SPEF2: variants seen among roughly 807,000 people sequenced by gnomAD.
The protein encoded by SPEF2 is sperm flagellar and cilia associated 2.
A neutral mutation model predicts 224.6 loss-of-function variants in SPEF2; 187 were observed. The observed-to-expected ratio is 0.83, with a 90% CI of 0.74 to 0.94. The LOEUF (loss-of-function observed/expected upper bound fraction) is 0.94. Ranked by LOEUF, SPEF2 falls within the 40% of genes least tolerant of loss-of-function variation. The pLI is 0.00. For missense variants in SPEF2, 2,170 were observed against 2,135.6 expected, an observed-to-expected ratio of 1.02 and a Z score of -0.32; for synonymous variants, 715 against 707.3, an observed-to-expected ratio of 1.01 and a Z score of -0.17.
In SPEF2 at chr5:35,654,725, A is replaced by C. The variant is rs1251154024; in HGVS notation, c.977A>C (p.Glu326Ala). ...MDQLIAHEAQ[E>A]EAYREEQLIN... Reference sequence around the variant, plus strand: ...CAGTTAATAGCCCACGAAGCACAAGAGGTAAGATATTTAGATGAAGGTTAA... The same window carrying C: ...CAGTTAATAGCCCACGAAGCACAAGCGGTAAGATATTTAGATGAAGGTTAA... The change falls in exon 7 of 37, where the codon GAG becomes GCG. Residue 326 changes from glutamate (E) to alanine (A), a missense_variant and splice_region_variant. By Grantham distance (107) the Glu-to-Ala change is moderately radical (BLOSUM62 -1). Transcript: ENST00000356031. 6.2e-7 allele frequency: 1 copy of C among 1,602,406 alleles called. No individual in the cohort carries two copies. The highest frequency in any genetic ancestry group is 1.1e-5 in the South Asian group (1 of 88,522).
intron 20 of SPEF2, among the ~76,000 whole-genome samples, chr5:35,722,475 T>TC (rs1743878387): frequency 9.3e-5 from 14 of 150,810 alleles, no homozygotes; most frequent in Non-Finnish European, 8.9e-5. Flanking sequence ...GTTTTTTTTT[T>TC]CAAGGTTTTT....
chr5:35,637,164 A>G (rs997824922), intron 2 of SPEF2, among the ~76,000 whole-genome samples: 8 of 152,076 alleles, frequency 5.3e-5, no homozygotes, highest in Non-Finnish European at 8.8e-5. Flanking sequence ...AGGTATGGAC[A>G]TGGAGCAAAC....
intron 28 of SPEF2, among the ~76,000 whole-genome samples, chr5:35,774,256 G>A (rs772189386): frequency 1.4e-4 from 21 of 152,096 alleles, no homozygotes; most frequent in Non-Finnish European, 2.9e-4. Context: ...CTGATGACAC[G>A]ATCTCAAAAA....
At chr5:35,751,044 TATATATATATAC>T (rs1749441706) in intron 23 of SPEF2, among the ~76,000 whole-genome samples, 1 of 66,368 alleles carries the variant, frequency 1.5e-5, no homozygotes, top group Non-Finnish European at 3.0e-5. Context: ...TACACATATG[TATATATATATAC>T]GTATATATAT....
In SPEF2 at chr5:35,806,809, C is replaced by G; in HGVS notation, c.5113C>G (p.Gln1705Glu). Residue 1705 changes from glutamine to glutamate, a missense_variant, in exon 35 of 37, where the codon CAG becomes GAG. Coordinates refer to ENST00000356031, the MANE Select transcript of SPEF2 (RefSeq NM_024867.4). ...AAAAGACGACACGGAGAAAAGGGAA[C>G]AGAAGGATGAAGAAATCCCTGAAAA... ...KLKDDTEKRE[Q>E]KDEEIPENAN... The G allele has an allele frequency of 6.2e-7, 1 of 1,613,864 alleles. No homozygotes were observed. The highest frequency in any genetic ancestry group is 1.3e-5 in the African/African-American group (1 of 74,994).
rs756934104 is a variant in SPEF2, at chr5:35,670,067, C to A, written c.1364C>A (p.Pro455Gln). 2.5e-6 allele frequency: 4 copies of A among 1,598,088 alleles called. No homozygotes were observed. Among genetic ancestry groups the A allele is most frequent in the Non-Finnish European group, 2.6e-6 (3 of 1,174,052 alleles). ...DYRMLTNNLI[P>Q]YKLMHDWKEL... ...TTTTTTTTGTGCGATAGTCTGATTC[C>A]GTATAAGTTGATGCATGATTGGAAG... The change falls in exon 10 of 37, where the codon CCG becomes CAG. Residue 455 changes from proline (P) to glutamine (Q), a missense_variant. By Grantham distance (76) the Pro-to-Gln change is moderately conservative. Coordinates refer to ENST00000356031, the MANE Select transcript of SPEF2 (RefSeq NM_024867.4).
rs181002978 is a variant in SPEF2 at position 35,719,019 on chromosome 5, A to G, written c.2914+6133A>G. Among the ~76,000 whole-genome samples the G allele has an allele frequency of 2.3e-3, 348 of 152,364 alleles. 1 individual carries two copies. The highest frequency in any genetic ancestry group is 8.1e-3 in the African/African-American group (336 of 41,590). ...GTTATGCTTACTAAGATTTGGGTGC[A>G]TGATGCTTGGCTTTGGTTAGCTGCC... On this transcript the variant is annotated intron_variant, in intron 20 of 36. Coordinates refer to ENST00000356031, the MANE Select transcript of SPEF2 (RefSeq NM_024867.4).
chr5:35,681,463 A>T (rs1312685647), intron 10 of SPEF2, among the ~76,000 whole-genome samples: 1 of 152,210 alleles, frequency 6.6e-6, no homozygotes, highest in African/African-American at 2.4e-5. Context: ...TATCTAAAAA[A>T]TAAACCCAAG....
At position 35,793,207 on chromosome 5, in the gene SPEF2, T is replaced by G. The variant is rs376841090; in HGVS notation, c.4603T>G (p.Trp1535Gly). ...LLTVNSEFVDWRKFLLVTSMP... is the reference protein window; with the variant it reads ...LLTVNSEFVDGRKFLLVTSMP... ...AACAGTCAACTCCGAGTTCGTGGAC[T>G]GGCGGAAGTTCCTGTTAGTAACCTC... The change falls in exon 32 of 37, where the codon TGG becomes GGG. Residue 1535 changes from tryptophan to glycine, a missense_variant. Transcript: ENST00000356031. 1.7e-5 allele frequency: 27 copies of G among 1,614,078 alleles called. No homozygotes were observed. The African/African-American group carries it at 3.2e-4, about 19-fold the overall frequency.
intron 22 of SPEF2, 31 bp from the exon 23 acceptor site, chr5:35,740,098 A>G (rs747343034): frequency 6.2e-7 from 1 of 1,614,050 alleles, no homozygotes; most frequent in Non-Finnish European, 8.5e-7. Context: ...CATGACATAT[A>G]AAATTTATCT....
chr5:35,749,453 C>A (rs1332985169), intron 23 of SPEF2, among the ~76,000 whole-genome samples: 2 of 151,928 alleles, frequency 1.3e-5, no homozygotes, highest in Admixed American at 6.6e-5. Context: ...CCTTGAAAAC[C>A]CTAAAGACTC....
intron 27 of SPEF2, among the ~76,000 whole-genome samples, chr5:35,772,269 A>AC (rs1376654564): frequency 3.3e-5 from 5 of 152,066 alleles, no homozygotes; most frequent in African/African-American, 1.2e-4. Flanking sequence ...CATCAACATT[A>AC]CCCTCCCCCT....
chr5:35,737,146 T>A (rs1746751605), intron 21 of SPEF2, among the ~76,000 whole-genome samples: 1 of 152,360 alleles, frequency 6.6e-6, no homozygotes, highest in African/African-American at 2.4e-5. Context: ...TATCCTCATT[T>A]ATTAAACTTA....
chr5:35,729,928 C>G (rs948798138), intron 21 of SPEF2, among the ~76,000 whole-genome samples: 1 of 152,170 alleles, frequency 6.6e-6, no homozygotes, highest in Non-Finnish European at 1.5e-5. Context: ...GCCTCCCCAG[C>G]CATGTGGAAC....
chr5:35,727,444 A>T (rs1179557634), intron 20 of SPEF2, among the ~76,000 whole-genome samples: 1 of 152,220 alleles, frequency 6.6e-6, no homozygotes, highest in Non-Finnish European at 1.5e-5. Flanking sequence ...AATATCAAAT[A>T]TATTAGCCAC....
chr5:35,705,675 G>A lies in SPEF2; in HGVS notation c.2532G>A (p.Trp844Ter). Residue 844 changes from tryptophan (W) to a stop codon, truncating the protein, a stop_gained, in exon 18 of 37, where the codon TGG becomes TGA. Transcript: ENST00000356031. LOFTEE classifies it high-confidence loss of function. ...GAATTATAGGCTTCTTGGACAACTG[G>A]CCTTTATTGGAGCAATGGTTTTCAG... ...QHRIIGFLDN[W>*]PLLEQWFSEP... The A allele has an allele frequency of 1.3e-6, 2 of 1,588,176 alleles. No individual in the cohort carries two copies. Among genetic ancestry groups the A allele is most frequent in the Admixed American group, 1.9e-5 (1 of 52,672 alleles).
rs554825990 is a variant in SPEF2, at chr5:35,800,059, C to A, written c.4922C>A (p.Thr1641Asn). The A allele has an allele frequency of 1.2e-6, 2 of 1,614,136 alleles. No homozygotes were observed. The highest frequency in any genetic ancestry group is 2.2e-5 in the South Asian group (2 of 91,070). ...CTTTACTTTGCTTGCCACCCAGACA[C>A]CGTGGAAGGAGTCTACAGGGCCCTC... is the stretch of plus-strand genomic sequence containing the variant. ...MLLYFACHPD[T>N]VEGVYRALSV... is the part of the protein sequence containing the mutation. Residue 1641 changes from threonine to asparagine, a missense_variant, in exon 34 of 37, where the codon ACC (threonine) becomes AAC (asparagine). Physicochemically the swap from Thr to Asn is moderately conservative, Grantham distance 65. Coordinates refer to ENST00000356031, the MANE Select transcript of SPEF2 (RefSeq NM_024867.4).
rs79343797 is a variant in SPEF2 at position 35,812,926 on chromosome 5, G to T, written c.5380-1538G>T. Among the ~76,000 whole-genome samples the T allele has an allele frequency of 2.6e-5, 4 of 152,278 alleles. No homozygotes were observed. In the East Asian group the frequency reaches 7.7e-4, roughly 29 times the overall value. On this transcript the variant is annotated intron_variant, in intron 36 of 36. Transcript: ENST00000356031. ...ATAACAAAATATGATAGCTGCTTCA[G>T]TGCTTTGTGTTTTCAAAGCACCAGT...
intron 23 of SPEF2, among the ~76,000 whole-genome samples, chr5:35,741,507 G>T (rs1365234154): frequency 1.3e-5 from 2 of 152,214 alleles, no homozygotes; most frequent in Admixed American, 1.3e-4. Flanking sequence ...CAGAGAGATT[G>T]TTGGGTAACC....
Sources: gnomAD v4.1 joint callset for allele counts (sites outside exome capture counted in the v4.1 genomes callset) on GRCh38, gnomAD v4.1.1 for gene constraint, MANE v1.5 for transcripts, NCBI Gene and HGNC (gene_info 2026-07-23, HGNC 2026-07-21) for gene names.